The following FAM227A variants were observed in gnomAD, a reference collection of about 807,000 sequenced individuals.
FAM227A encodes family with sequence similarity 227 member A.
A neutral mutation model predicts 74.7 loss-of-function variants in FAM227A; 80 were observed. The observed-to-expected ratio is 1.07, with a 90% CI of 0.89 to 1.29. The LOEUF (loss-of-function observed/expected upper bound fraction) is 1.29. FAM227A is among the 50% of genes most tolerant of loss of function. FAM227A has a pLI of 0.00. For missense variants in FAM227A, 654 were observed against 683.4 expected (o/e 0.96, Z 0.48); for synonymous variants, 237 against 241.8 (o/e 0.98, Z 0.19).
intron 11 of FAM227A, among the ~76,000 whole-genome samples, chr22:38,613,106 T>A (rs1602945815): frequency 1.1e-5 from 1 of 91,904 alleles, no homozygotes; most frequent in African/African-American, 5.2e-5. Flanking sequence ...TATATATAAT[T>A]ATATATATAT....
rs769128953 is a variant in FAM227A, at chr22:38,581,151, AATT to A, written c.*4971_*4973del. On this transcript the variant is annotated 3_prime_UTR_variant, in exon 17 of 17. Transcript: ENST00000535113. ...ACGTTTGACGTGCTTCAAATATGGC[AATT>A]ATTATTAATGCCCAAATGGTCCTCT... 2.0e-5 allele frequency: 3 copies of A among 152,324 alleles called. No individual in the cohort carries two copies. Among genetic ancestry groups the A allele is most frequent in the South Asian group, 2.1e-4 (1 of 4,816 alleles). 9.4% of individuals were successfully genotyped at this position (152,324 alleles called of 1,614,324 possible).
chr22:38,637,338 T>C (rs948008221), intron 5 of FAM227A, among the ~76,000 whole-genome samples: 3 of 152,226 alleles, frequency 2.0e-5, no homozygotes, highest in African/African-American at 7.2e-5. Flanking sequence ...ATATCACGAA[T>C]AGCTTGGAGC....
intron 9 of FAM227A, 29 bp downstream of exon 9, chr22:38,626,151 T>C (rs903871895): frequency 1.9e-6 from 3 of 1,549,088 alleles, no homozygotes; most frequent in Non-Finnish European, 2.6e-6. Flanking sequence ...TAGAATCGCT[T>C]TCCCCGGTGG....
chr22:38,628,202 A>G, intron 8 of FAM227A, 36 bp downstream of exon 8: 1 of 1,223,540 alleles, frequency 8.2e-7, no homozygotes, highest in South Asian at 1.3e-5. Flanking sequence ...CAGAAATCTA[A>G]TGTGACTTTT....
chr22:38,595,808 C>T (rs2091029934), intron 15 of FAM227A, among the ~76,000 whole-genome samples: 1 of 152,194 alleles, frequency 6.6e-6, no homozygotes, highest in Non-Finnish European at 1.5e-5. Context: ...AATGATTTAA[C>T]TTGAATCTAA....
intron 1 of FAM227A, among the ~76,000 whole-genome samples, chr22:38,652,423 T>TA (rs908669961): frequency 5.4e-5 from 8 of 147,630 alleles, no homozygotes; most frequent in African/African-American, 2.0e-4. Context: ...CCGTTTCTAC[T>TA]AAAAAATACA....
At chr22:38,612,734 G>C (rs767050482) in intron 11 of FAM227A, among the ~76,000 whole-genome samples, 32 of 151,956 alleles carry the variant, frequency 2.1e-4, no homozygotes, top group African/African-American at 3.1e-4. Flanking sequence ...CTGTTGACAG[G>C]AGCAACTGGT....
chr22:38,634,723 G>A (rs376783786), intron 6 of FAM227A, among the ~76,000 whole-genome samples: 17 of 152,076 alleles, frequency 1.1e-4, no homozygotes, highest in African/African-American at 3.4e-4. Context: ...TGCCTCTCCC[G>A]AGGAAAGCAG....
intron 3 of FAM227A, among the ~76,000 whole-genome samples, chr22:38,639,944 A>G (rs1298705142): frequency 2.0e-5 from 3 of 152,116 alleles, no homozygotes; most frequent in African/African-American, 7.2e-5. Flanking sequence ...CCCTTCTTCT[A>G]GGAGTATGTG....
chr22:38,598,693 C>A (rs1405133359), intron 14 of FAM227A, among the ~76,000 whole-genome samples: 2 of 152,178 alleles, frequency 1.3e-5, no homozygotes, highest in Admixed American at 1.3e-4. Flanking sequence ...AGGCACTAGC[C>A]TTTATCTCTG....
At chr22:38,620,127 G>A (rs2091656189) in intron 11 of FAM227A, 85 bp downstream of exon 11, 10 of 916,672 alleles carry the variant, frequency 1.1e-5, no homozygotes, top group Non-Finnish European at 1.7e-5. Flanking sequence ...CAACTAACCG[G>A]AGGCCACTGA....
At chr22:38,609,582 G>A (rs895663889) in intron 11 of FAM227A, among the ~76,000 whole-genome samples, 4 of 152,168 alleles carry the variant, frequency 2.6e-5, no homozygotes, top group African/African-American at 9.7e-5. Flanking sequence ...CAGTCCACCA[G>A]CCTCAACAAC....
intron 15 of FAM227A, among the ~76,000 whole-genome samples, chr22:38,593,392 C>T (rs1344105579): frequency 1.3e-5 from 2 of 152,144 alleles, no homozygotes; most frequent in Non-Finnish European, 2.9e-5. Flanking sequence ...GCAGTCCCAG[C>T]TACTTGGGAG....
chr22:38,582,265 T>C lies in FAM227A; in HGVS notation c.*3860A>G, dbSNP rs922785991. 5 of 1,396,386 alleles carry C rather than the reference T, an allele frequency of 3.6e-6. No individual in the cohort carries two copies. Among genetic ancestry groups the C allele is most frequent in the Non-Finnish European group, 4.9e-6 (5 of 1,017,342 alleles). 86.5% of individuals were successfully genotyped at this position (1,396,386 alleles called of 1,614,324 possible). A position where few individuals can be genotyped will look rare whatever the true frequency, so the allele number is the denominator to read the frequency against. ...ATCCCTCCTGTTCTTCAGGAAACTG[T>C]ATGTTCTAAAACATACATTTCATCA... is the stretch of plus-strand genomic sequence containing the variant. On this transcript the variant is annotated 3_prime_UTR_variant, in exon 17 of 17. Coordinates refer to ENST00000535113, the MANE Select transcript of FAM227A (RefSeq NM_001013647.2).
Position 38,605,301 on chromosome 22 carries a change from T to C in FAM227A, c.1174A>G (p.Lys392Glu), listed in dbSNP as rs748971640. The C allele has an allele frequency of 6.4e-7, 1 of 1,551,524 alleles. No individual in the cohort carries two copies. Among genetic ancestry groups the C allele is most frequent in the South Asian group, 1.2e-5 (1 of 84,030 alleles). The change falls in exon 13 of 17, where the codon AAG (lysine) becomes GAG (glutamate). Residue 392 changes from lysine (K) to glutamate (E), a missense_variant. Physicochemically the swap from Lys to Glu is moderately conservative, Grantham distance 56. Transcript: ENST00000535113. ...CATTCTCTTGCTTCTGATATCCTCT[T>C]GACTTCTTGCGTAGGTTTCTTCAAG... is the stretch of plus-strand genomic sequence containing the variant. ...LVLKKPTQEVKRISEARECEN... is the reference protein window; with the variant it reads ...LVLKKPTQEVERISEARECEN...
At chr22:38,630,919 A>G (rs2091903509) in intron 6 of FAM227A, among the ~76,000 whole-genome samples, 1 of 152,160 alleles carries the variant, frequency 6.6e-6, no homozygotes, top group African/African-American at 2.4e-5. Context: ...TGTAATCCCA[A>G]CACTTTGGGA....
intron 16 of FAM227A, among the ~76,000 whole-genome samples, chr22:38,590,624 G>C (rs2090911647): frequency 6.6e-6 from 1 of 152,190 alleles, no homozygotes; most frequent in Non-Finnish European, 1.5e-5. Context: ...AGTTTGAGCT[G>C]GCTTCCTGGC....
chr22:38,641,638 T>G (rs2092116979), intron 3 of FAM227A, among the ~76,000 whole-genome samples: 1 of 151,892 alleles, frequency 6.6e-6, no homozygotes, highest in African/African-American at 2.4e-5. Flanking sequence ...AGAGTACATC[T>G]TCATCATTGT....
chr22:38,618,631 G>A (rs1199865955), intron 11 of FAM227A: 1 of 152,090 alleles, frequency 6.6e-6, no homozygotes, highest in Non-Finnish European at 1.5e-5. Context: ...TTAACTTGTA[G>A]GGCTCCATAC....
Sources: allele counts gnomAD v4.1 joint callset (sites outside exome capture counted in the v4.1 genomes callset), GRCh38; gene constraint gnomAD v4.1.1; transcripts MANE v1.5; gene names NCBI Gene and HGNC (gene_info 2026-07-23, HGNC 2026-07-21).